Variants in SMIM14 observed in about 807,000 individuals in gnomAD.
SMIM14 encodes the protein small integral membrane protein 14.
Under a neutral mutation model 12.6 loss-of-function variants are expected in SMIM14, and 5 were observed. The ratio of observed to expected loss-of-function variants is 0.40; its 90% CI spans 0.21 to 0.83. SMIM14 has a LOEUF of 0.83. SMIM14 is among the 40% of genes least tolerant of loss of function. The pLI is 0.37. For missense variants in SMIM14, 86 were observed against 119.1 expected (o/e 0.72, Z 1.29); for synonymous variants, 30 against 40.1 (o/e 0.75, Z 0.95).
intron 1 of SMIM14, among the ~76,000 whole-genome samples, chr4:39,631,373 T>C (rs1715889502): frequency 6.6e-6 from 1 of 150,888 alleles, no homozygotes; most frequent in Non-Finnish European, 1.5e-5. Flanking sequence ...AAAAACTATG[T>C]TGTGGCCGGG....
chr4:39,599,389 T>C (rs1714509664), intron 2 of SMIM14, among the ~76,000 whole-genome samples: 1 of 152,072 alleles, frequency 6.6e-6, no homozygotes, highest in African/African-American at 2.4e-5. Context: ...AGGAGAAACA[T>C]TACTGACTTA....
chr4:39,637,019 A>G (rs1219002388), intron 1 of SMIM14, among the ~76,000 whole-genome samples: 2 of 152,244 alleles, frequency 1.3e-5, no homozygotes, highest in Admixed American at 6.5e-5. Flanking sequence ...TTTAAGGTCC[A>G]AAGTCCATGT....
intron 3 of SMIM14, among the ~76,000 whole-genome samples, chr4:39,566,901 A>T (rs367562320): frequency 2.2e-4 from 33 of 152,130 alleles, no homozygotes; most frequent in African/African-American, 7.9e-4. Context: ...TGCGAGGTGG[A>T]GGTTGCAGTG....
At chr4:39,579,791 C>T (rs1713400915) in intron 2 of SMIM14, among the ~76,000 whole-genome samples, 2 of 147,354 alleles carry the variant, frequency 1.4e-5, no homozygotes, top group African/African-American at 5.0e-5. Context: ...TTGCAGTGAG[C>T]CGAGACCATG....
intron 1 of SMIM14, among the ~76,000 whole-genome samples, chr4:39,615,158 C>A (rs12644913): frequency 0.58 from 88,705 of 151,824 alleles, 26,336 homozygotes; most frequent in East Asian, 0.79. Flanking sequence ...TGATCTTGAA[C>A]TCCTGGGCTC....
chr4:39,571,758 C>T (rs76103850), intron 3 of SMIM14, among the ~76,000 whole-genome samples: 4,498 of 152,114 alleles, frequency 0.03, 120 homozygotes, highest in African/African-American at 0.069. Context: ...CTAGGATATA[C>T]CCGAATTTGT....
chr4:39,596,402 T>C (rs916680132), intron 2 of SMIM14, among the ~76,000 whole-genome samples: 6 of 151,968 alleles, frequency 3.9e-5, no homozygotes, highest in African/African-American at 1.5e-4. Flanking sequence ...GCCGCATATA[T>C]AGTGCTTTTT....
At chr4:39,586,771 C>T (rs1240960776) in intron 2 of SMIM14, among the ~76,000 whole-genome samples, 1 of 152,010 alleles carries the variant, frequency 6.6e-6, no homozygotes. Context: ...CACTTTTTGT[C>T]TTAGTTTGGG....
intron 2 of SMIM14, among the ~76,000 whole-genome samples, chr4:39,585,290 C>CTATTATTAT (rs151026017): frequency 2.0e-5 from 3 of 150,170 alleles, no homozygotes; most frequent in African/African-American, 4.9e-5. Flanking sequence ...CATATTACTT[C>CTATTATTAT]TATTATTATT....
chr4:39,612,849 C>T (rs914649040), intron 1 of SMIM14, among the ~76,000 whole-genome samples: 1 of 152,206 alleles, frequency 6.6e-6, no homozygotes, highest in Non-Finnish European at 1.5e-5. Flanking sequence ...CTCCACCTGC[C>T]TTGGCCTCCC....
At chr4:39,602,189 C>T (rs559238900) in intron 2 of SMIM14, among the ~76,000 whole-genome samples, 8 of 150,728 alleles carry the variant, frequency 5.3e-5, no homozygotes, top group African/African-American at 9.8e-5. Context: ...ACAGAGGTTG[C>T]AGTGCGCAGA....
intron 1 of SMIM14, among the ~76,000 whole-genome samples, chr4:39,622,804 C>T (rs1715553758): frequency 6.6e-6 from 1 of 152,180 alleles, no homozygotes; most frequent in South Asian, 2.1e-4. Context: ...CAGGATTTTA[C>T]TTTTCACTTT....
At chr4:39,621,234 A>T (rs569158665) in intron 1 of SMIM14, among the ~76,000 whole-genome samples, 1 of 152,354 alleles carries the variant, frequency 6.6e-6, no homozygotes, top group South Asian at 2.1e-4. Flanking sequence ...AGAGAAAACA[A>T]AAAAGATAAA....
At chr4:39,567,336 G>A (rs141467567) in intron 3 of SMIM14, among the ~76,000 whole-genome samples, 342 of 152,220 alleles carry the variant, frequency 2.2e-3, no homozygotes, top group African/African-American at 7.7e-3. Context: ...AGGTGTGGCA[G>A]CTCATGCCTG....
chr4:39,634,687 T>C (rs1160433569), intron 1 of SMIM14, among the ~76,000 whole-genome samples: 1 of 152,216 alleles, frequency 6.6e-6, no homozygotes, highest in Non-Finnish European at 1.5e-5. Context: ...ACCTGACAGA[T>C]TTATTGAAAA....
At chr4:39,614,343 CAG>C (rs1055910133) in intron 1 of SMIM14, among the ~76,000 whole-genome samples, 1 of 147,536 alleles carries the variant, frequency 6.8e-6, no homozygotes, top group Non-Finnish European at 1.5e-5. Flanking sequence ...TTTTTTGAGA[CAG>C]AGTTTTGTTC....
At position 39,632,820 on chromosome 4, in the gene SMIM14, CACACACAA is replaced by C. The variant is rs1319735269; in HGVS notation, c.-36+5911_-36+5918del. ...ACACACACACACACACACACACACA[CACACACAA>C]AAGAAAAAGAAAAACCTTTATGTCT... On this transcript the variant is annotated intron_variant, in intron 1 of 4. Transcript: ENST00000295958. 4.7e-5 allele frequency among the ~76,000 whole-genome samples: 6 copies of C among 127,338 alleles called. No individual in the cohort carries two copies. The South Asian group carries it at 9.4e-4, about 20-fold the overall frequency. The allele number at this position is 127,338 out of a possible 152,430, so 83.5% of individuals were successfully genotyped here. A position where few individuals can be genotyped will look rare whatever the true frequency, so the allele number is the denominator to read the frequency against.
At chr4:39,623,031 G>C (rs562142751) in intron 1 of SMIM14, among the ~76,000 whole-genome samples, 2 of 152,082 alleles carry the variant, frequency 1.3e-5, no homozygotes, top group Non-Finnish European at 2.9e-5. Flanking sequence ...CCTAGTAAAA[G>C]GACATTTATG....
At chr4:39,572,595 G>C (rs1425028165) in intron 2 of SMIM14, 132 bp from the exon 3 acceptor site, 1 of 691,250 alleles carries the variant, frequency 1.4e-6, no homozygotes, top group African/African-American at 1.8e-5. Flanking sequence ...GCTGAGGTGG[G>C]TGGATTGTTT....
Sources: gnomAD v4.1 joint callset for allele counts (sites outside exome capture counted in the v4.1 genomes callset) on GRCh38, gnomAD v4.1.1 for gene constraint, MANE v1.5 for transcripts, NCBI Gene and HGNC (gene_info 2026-07-23, HGNC 2026-07-21) for gene names.